PREPL: variants seen among roughly 807,000 people sequenced by gnomAD.
PREPL encodes prolyl endopeptidase like.
A neutral mutation model predicts 70.6 loss-of-function variants in PREPL; 77 were observed. The ratio of observed to expected loss-of-function variants is 1.09; its 90% confidence interval spans 0.91 to 1.32. The LOEUF is 1.32. PREPL is among the 40% of genes most tolerant of loss of function. The pLI, the probability that PREPL is intolerant of heterozygous loss-of-function variation, is 0.00. For synonymous variants in PREPL, 315 were observed against 264.8 expected, an observed-to-expected ratio of 1.19 and a Z score of -1.84; for missense variants, 1,002 against 778.2, an observed-to-expected ratio of 1.29 and a Z score of -3.42.
chr2:44,339,234 C>A lies in PREPL; in HGVS notation c.615G>T (p.Lys205Asn). 1.2e-6 allele frequency: 2 copies of A among 1,614,078 alleles called. No individual in the cohort carries two copies. Among genetic ancestry groups the A allele is most frequent in the Non-Finnish European group, 1.7e-6 (2 of 1,179,964 alleles). The change falls in exon 6 of 14, where the codon AAG becomes AAT. Residue 205 changes from lysine (K) to asparagine (N), a missense_variant. Physicochemically the swap from Lys to Asn is moderately conservative, Grantham distance 94. Coordinates refer to ENST00000409411, the MANE Select transcript of PREPL (RefSeq NM_001171613.2). ...SPWDPPVLIQ[K>N]RIHGVLYYVE... ...CATAGTAAAGGACCCCATGTATTCG[C>A]TTCTGGATAAGTACTGGTGGGTCCC...
At chr2:44,332,135 A>C (rs987306263) in intron 8 of PREPL, among the ~76,000 whole-genome samples, 20 of 151,876 alleles carry the variant, frequency 1.3e-4, no homozygotes, top group South Asian at 4.1e-4. Flanking sequence ...TTTAGTAGAG[A>C]TGGGGTTTCA....
At chr2:44,324,070 G>A (rs1673248811) in intron 10 of PREPL, among the ~76,000 whole-genome samples, 1 of 152,188 alleles carries the variant, frequency 6.6e-6, no homozygotes, top group Admixed American at 6.5e-5. Context: ...GTATACACAT[G>A]CAATATTACA....
chr2:44,340,036 G>T (rs1265466813), intron 5 of PREPL, among the ~76,000 whole-genome samples: 1 of 151,854 alleles, frequency 6.6e-6, no homozygotes, highest in Non-Finnish European at 1.5e-5. Context: ...TTAAATAGAT[G>T]TAATTATAGA....
Position 44,343,855 on chromosome 2 carries a change from T to A in PREPL, c.239A>T (p.Tyr80Phe). 6.2e-7 allele frequency: 1 copy of A among 1,614,098 alleles called. No individual in the cohort carries two copies. Among genetic ancestry groups the A allele is most frequent in the Non-Finnish European group, 8.5e-7 (1 of 1,179,946 alleles). ...TTCAGTTCTTATCTTGGCAGCCACA[T>A]ATTTTTCATCTGGAGCAACTCTGAT... ...DCIRVAPDEK[Y>F]VAAKIRTEDS... The change falls in exon 4 of 14, where the codon TAT becomes TTT. Residue 80 changes from tyrosine (Y) to phenylalanine (F), a missense_variant. Coordinates refer to ENST00000409411, the MANE Select transcript of PREPL (RefSeq NM_001171613.2).
chr2:44,345,433 C>G (rs186518105), intron 2 of PREPL, among the ~76,000 whole-genome samples: 1 of 152,068 alleles, frequency 6.6e-6, no homozygotes, highest in East Asian at 1.9e-4. Context: ...CTCAGGGCAA[C>G]CTCTGCATCC....
chr2:44,347,061 T>G (rs567181394), intron 1 of PREPL: 16 of 152,394 alleles, frequency 1.0e-4, no homozygotes, highest in African/African-American at 3.8e-4. Context: ...CGAGGCGCAG[T>G]GGCTCATGCC....
At chr2:44,342,021 T>C (rs951669751) in intron 5 of PREPL, among the ~76,000 whole-genome samples, 2 of 152,126 alleles carry the variant, frequency 1.3e-5, no homozygotes, top group African/African-American at 2.4e-5. Flanking sequence ...TCTAAGTATA[T>C]ACCATTTATT....
chr2:44,346,770 GA>G (rs1425528120), intron 1 of PREPL, among the ~76,000 whole-genome samples: 1 of 151,724 alleles, frequency 6.6e-6, no homozygotes, highest in Non-Finnish European at 1.5e-5. Context: ...ATCAGGTAGA[GA>G]AAAAAATCTT....
At chr2:44,329,388 A>G (rs1673863599) in intron 8 of PREPL, among the ~76,000 whole-genome samples, 1 of 152,218 alleles carries the variant, frequency 6.6e-6, no homozygotes, top group African/African-American at 2.4e-5. Context: ...CAATAATGTA[A>G]TTTTAAAGAG....
At chr2:44,356,411 T>C (rs1677050346) in intron 1 of PREPL, 1 of 152,272 alleles carries the variant, frequency 6.6e-6, no homozygotes, top group Admixed American at 6.5e-5. Flanking sequence ...CTGGGCATGG[T>C]GGTGGACGCC....
In PREPL at chr2:44,339,373, G is replaced by A; in HGVS notation, c.486-10C>T. Reference sequence around the variant, plus strand: ...AAGGAAAACAAAGTAGCTAGAGAGAGAGAGAGAGACATGAGATCACAGTTT... The same window carrying A: ...AAGGAAAACAAAGTAGCTAGAGAGAAAGAGAGAGACATGAGATCACAGTTT... On this transcript the variant is annotated splice_polypyrimidine_tract_variant and intron_variant, in intron 5 of 13. Coordinates refer to ENST00000409411, the MANE Select transcript of PREPL (RefSeq NM_001171613.2). 1.9e-6 allele frequency: 3 copies of A among 1,612,546 alleles called. No homozygotes were observed. The highest frequency in any genetic ancestry group is 2.5e-6 in the Non-Finnish European group (3 of 1,179,402).
At position 44,343,970 on chromosome 2, in the gene PREPL, G is replaced by T. The variant is rs10514790; in HGVS notation, c.143-19C>A. 1 of 1,607,598 alleles carries T rather than the reference G, an allele frequency of 6.2e-7. No homozygotes were observed. ...TTGTCTGCTGTATAAAGAAAAATAC[G>T]AAAGTGATAACTTCAAAGGATGTAC... On this transcript the variant is annotated intron_variant, in intron 3 of 13. Transcript: ENST00000409411.
intron 2 of PREPL, 54 bp downstream of exon 2, chr2:44,346,214 G>A: frequency 6.7e-7 from 1 of 1,490,128 alleles, no homozygotes; most frequent in Non-Finnish European, 9.2e-7. Context: ...TATCTCATTT[G>A]CATCTTGATT....
At chr2:44,359,340 C>G (rs1375946089) in intron 1 of PREPL, among the ~76,000 whole-genome samples, 1 of 152,062 alleles carries the variant, frequency 6.6e-6, no homozygotes, top group Non-Finnish European at 1.5e-5. Flanking sequence ...CTCTTTTATA[C>G]TTACTTTTGA....
intron 1 of PREPL, among the ~76,000 whole-genome samples, chr2:44,360,855 T>G (rs779874856): frequency 1.3e-5 from 2 of 152,216 alleles, no homozygotes; most frequent in Admixed American, 6.5e-5. Flanking sequence ...AATGTCATTA[T>G]GGAAGTCTTC....
chr2:44,361,568 C>A (rs200328697), upstream of PREPL: 24 of 157,564 alleles, frequency 1.5e-4, no homozygotes, highest in South Asian at 1.5e-3. Flanking sequence ...ATCTACGTAA[C>A]CTCAATCTAG....
chr2:44,344,379 A>G (rs1206576218), intron 3 of PREPL, 141 bp downstream of exon 3: 2 of 668,546 alleles, frequency 3.0e-6, no homozygotes, highest in Non-Finnish European at 4.9e-6. Context: ...AAACCCAGAT[A>G]TTAAAAACTA....
In PREPL at chr2:44,320,259, G is replaced by A; in HGVS notation, c.*1097C>T. On this transcript the variant is annotated 3_prime_UTR_variant, in exon 14 of 14. Transcript: ENST00000409411. The stretch of plus-strand genomic sequence containing the variant: ...ATATCAAGATTTAAGTCTACTTCAT[G>A]CCAATGAGCTACTCCTCAACAGGGG... 1 of 1,614,042 alleles carries A rather than the reference G, an allele frequency of 6.2e-7. No individual in the cohort carries two copies. The highest frequency in any genetic ancestry group is 8.5e-7 in the Non-Finnish European group (1 of 1,179,946).
chr2:44,342,305 T>A lies in PREPL; in HGVS notation c.485+112A>T, dbSNP rs1474452637. The A allele has an allele frequency of 3.7e-5, 36 of 970,862 alleles. No individual in the cohort carries two copies. The East Asian group carries it at 5.5e-4, about 15-fold the overall frequency. 60.1% of individuals were successfully genotyped at this position (970,862 alleles called of 1,614,324 possible). A position where few individuals can be genotyped will look rare whatever the true frequency, so the allele number is the denominator to read the frequency against. ...TAATAAAAGAATGATCGTTTTAGCC[T>A]TATTATTCCTGGTTCCAACCAAAAT... is the stretch of plus-strand genomic sequence containing the variant. On this transcript the variant is annotated intron_variant, in intron 5 of 13. Coordinates refer to ENST00000409411, the MANE Select transcript of PREPL (RefSeq NM_001171613.2).
Sources: gnomAD v4.1 joint callset for allele counts (sites outside exome capture counted in the v4.1 genomes callset) on GRCh38, gnomAD v4.1.1 for gene constraint, MANE v1.5 for transcripts, NCBI Gene and HGNC (gene_info 2026-07-23, HGNC 2026-07-21) for gene names.